PDCD6: variants seen among roughly 807,000 people sequenced by gnomAD.
PDCD6 encodes the protein programmed cell death protein 6.
PDCD6 carries 12 observed loss-of-function variants against 28.3 expected under a neutral mutation model. That is an observed-to-expected ratio of 0.42 (90% confidence interval 0.27 to 0.69). PDCD6 has a LOEUF of 0.69. Among genes scored for constraint, PDCD6 ranks in the 30% least tolerant of loss-of-function variants. PDCD6 has a pLI of 0.22. For missense variants in PDCD6, 226 were observed against 269.9 expected, an observed-to-expected ratio of 0.84 and a Z score of 1.14; for synonymous variants, 92 against 108.0, an observed-to-expected ratio of 0.85 and a Z score of 0.92.
chr5:290,218 A>G, intron 2 of PDCD6: 12 of 1,558,180 alleles, frequency 7.7e-6, no homozygotes, highest in Non-Finnish European at 1.1e-5. Context: ...CTGTTTCTCC[A>G]GTCTTGGCTA....
At chr5:301,444 A>C (rs1389387745) in intron 2 of PDCD6, among the ~76,000 whole-genome samples, 1 of 152,176 alleles carries the variant, frequency 6.6e-6, no homozygotes, top group African/African-American at 2.4e-5. Flanking sequence ...TGCTTTTTGT[A>C]ACACTAGTTT....
At chr5:288,949 C>T in intron 2 of PDCD6, 1 of 1,515,158 alleles carries the variant, frequency 6.6e-7, no homozygotes, top group Non-Finnish European at 9.2e-7. Context: ...TCTTCTGTTT[C>T]ACGGCAGTCA....
At chr5:275,019 C>T (rs575211787) in intron 2 of PDCD6, among the ~76,000 whole-genome samples, 1 of 151,214 alleles carries the variant, frequency 6.6e-6, no homozygotes, top group East Asian at 1.9e-4. Context: ...CCAATGGAGT[C>T]ACTTTTCTTA....
intron 2 of PDCD6, among the ~76,000 whole-genome samples, chr5:295,784 C>A (rs373001431): frequency 5.4e-5 from 8 of 147,608 alleles, no homozygotes; most frequent in African/African-American, 1.9e-4. Context: ...GCTCTCCACA[C>A]AGAAAGCCAA....
chr5:278,413 G>C (rs1438564641), intron 2 of PDCD6, among the ~76,000 whole-genome samples: 2 of 151,702 alleles, frequency 1.3e-5, no homozygotes, highest in Non-Finnish European at 2.9e-5. Context: ...AAGTACTGTA[G>C]AGAAAAATAA....
At chr5:288,292 T>TATAA (rs56208909) in intron 2 of PDCD6, among the ~76,000 whole-genome samples, 2 of 107,110 alleles carry the variant, frequency 1.9e-5, no homozygotes, top group African/African-American at 5.5e-5. Flanking sequence ...AATATATATA[T>TATAA]TATATATATA....
At chr5:304,746 G>A (rs1740356238) in intron 3 of PDCD6, 1 of 152,660 alleles carries the variant, frequency 6.6e-6, no homozygotes, top group African/African-American at 2.4e-5. Context: ...CAACTTCCTT[G>A]ATGCTTCTGT....
intron 4 of PDCD6, 37 bp downstream of exon 4, chr5:306,797 T>C (rs753751411): frequency 1.3e-6 from 2 of 1,591,816 alleles, no homozygotes; most frequent in Non-Finnish European, 1.7e-6. Flanking sequence ...GCGTGTTTCA[T>C]TTTGGAACCT....
At chr5:279,274 T>C (rs10067410) in intron 2 of PDCD6, among the ~76,000 whole-genome samples, 36,582 of 151,832 alleles carry the variant, frequency 0.24, 6,886 homozygotes, top group African/African-American at 0.53. Context: ...AGGTGTTGCT[T>C]GTGGCTGGGT....
rs1740508978 is a variant in PDCD6 at position 306,667 on chromosome 5, A to G, written c.274A>G (p.Ile92Val). Residue 92 changes from isoleucine to valine, a missense_variant, in exon 4 of 6, where the codon ATC becomes GTC. Physicochemically the swap from Ile to Val is conservative, Grantham distance 29. Around this residue, in one of 3 missense-constraint regions of PDCD6, gnomAD observed 151 missense variants for 177.2 expected, o/e 0.85. Transcript: ENST00000264933. Reference protein sequence around the residue: ...FSEFTGVWKYITDWQNVFRTY... With the variant: ...FSEFTGVWKYVTDWQNVFRTY... ...CGAGTTCACGGGTGTGTGGAAGTAC[A>G]TCACGGACTGGCAGAACGTCTTCCG... 4 of 1,613,932 alleles carry G rather than the reference A, an allele frequency of 2.5e-6. No homozygotes were observed. Among genetic ancestry groups the G allele is most frequent in the Non-Finnish European group, 3.4e-6 (4 of 1,180,010 alleles).
In PDCD6 at chr5:302,070, C is replaced by CTGTGTGTGTGTGTGTGTGTGTGTGTG. The variant is rs369323059; in HGVS notation, c.164-2094_164-2069dup. Among the ~76,000 whole-genome samples the CTGTGTGTGTGTGTGTGTGTGTGTGTG allele has an allele frequency of 3.6e-4, 21 of 57,676 alleles. 2 individuals carry two copies. Among genetic ancestry groups the CTGTGTGTGTGTGTGTGTGTGTGTGTG allele is most frequent in the South Asian group, 1.1e-3 (1 of 928 alleles). The allele number at this position is 57,676 out of a possible 152,430, so 37.8% of individuals were successfully genotyped here. The stretch of plus-strand genomic sequence containing the variant: ...GGAGGGCGGATCATTGAGTGCTGCT[C>CTGTGTGTGTGTGTGTGTGTGTGTGTG]TGTGTGTGTGTGTGTGTGTGTGTGT... On this transcript the variant is annotated intron_variant, in intron 2 of 5. Coordinates refer to ENST00000264933, the MANE Select transcript of PDCD6 (RefSeq NM_013232.4).
chr5:275,340 G>A (rs527678389), intron 2 of PDCD6, among the ~76,000 whole-genome samples: 14 of 152,332 alleles, frequency 9.2e-5, no homozygotes, highest in African/African-American at 3.4e-4. Flanking sequence ...CCTGAGAGAC[G>A]CTGGCTTTCG....
rs943456081 is a variant in PDCD6 at position 307,017 on chromosome 5, C to T, written c.367+257C>T. On this transcript the variant is annotated intron_variant, in intron 4 of 5. Transcript: ENST00000264933. This position sits in a 1 kb window ranked among gnomAD's most constrained non-coding sequence, Gnocchi z 6.1. The stretch of plus-strand genomic sequence containing the variant: ...CATCTTTTCTGAAGTGGAATGATGT[C>T]GTGAGCAAAACTGAGAATGTGGCTT... Among the ~76,000 whole-genome samples the T allele has an allele frequency of 1.4e-4, 21 of 152,152 alleles. No individual in the cohort carries two copies. Among genetic ancestry groups the T allele is most frequent in the Non-Finnish European group, 1.6e-4 (11 of 68,028 alleles).
intron 2 of PDCD6, among the ~76,000 whole-genome samples, chr5:281,078 AATACT>A (rs1738535168): frequency 6.6e-6 from 1 of 152,276 alleles, no homozygotes; most frequent in Non-Finnish European, 1.5e-5. Context: ...TTTCTTTAAA[AATACT>A]ACTAAGTTTT....
intron 2 of PDCD6, chr5:275,889 C>T: frequency 1.9e-6 from 1 of 526,970 alleles, no homozygotes; most frequent in Non-Finnish European, 3.3e-6. Flanking sequence ...TGTTTTTCCA[C>T]CACACCTCTG....
At chr5:278,163 T>C (rs1030861224) in intron 2 of PDCD6, among the ~76,000 whole-genome samples, 2 of 152,168 alleles carry the variant, frequency 1.3e-5, no homozygotes, top group African/African-American at 4.8e-5. Context: ...GCTAAAGGTC[T>C]TTGGCTTTTA....
chr5:280,897 C>T (rs1738524172), intron 2 of PDCD6, among the ~76,000 whole-genome samples: 1 of 152,172 alleles, frequency 6.6e-6, no homozygotes, highest in Non-Finnish European at 1.5e-5. Context: ...TGGGAGCTGG[C>T]ATTTATGCTC....
At chr5:280,324 C>A (rs1259312645) in intron 2 of PDCD6, among the ~76,000 whole-genome samples, 1 of 152,184 alleles carries the variant, frequency 6.6e-6, no homozygotes, top group East Asian at 1.9e-4. Context: ...AGGGGAGAGA[C>A]CTTAGGCCAG....
chr5:293,206 G>A (rs1443656410), intron 2 of PDCD6, among the ~76,000 whole-genome samples: 1 of 152,206 alleles, frequency 6.6e-6, no homozygotes, highest in Non-Finnish European at 1.5e-5. Context: ...ACTAAGACAT[G>A]CCCTGAAACT....
Sources: gnomAD v4.1 joint callset for allele counts (sites outside exome capture counted in the v4.1 genomes callset) on GRCh38, gnomAD v4.1.1 for gene constraint, gnomAD v4.1.1 regional missense constraint, Gnocchi (gnomAD v3.1) non-coding constraint, MANE v1.5 for transcripts, NCBI Gene and HGNC (gene_info 2026-07-23, HGNC 2026-07-21) for gene names.